The following SDK1 variants were observed in gnomAD, a reference collection of about 807,000 sequenced individuals.
SDK1 encodes sidekick cell adhesion molecule 1.
A neutral mutation model predicts 245.5 loss-of-function variants in SDK1; 157 were observed. That is an observed-to-expected ratio of 0.64 (90% CI 0.56 to 0.73). The LOEUF (loss-of-function observed/expected upper bound fraction) is 0.73, where lower values mean the gene tolerates loss of function less well. Ranked by LOEUF, SDK1 falls within the 30% of genes least tolerant of loss-of-function variation. The pLI is 0.00. For synonymous variants in SDK1, 1,647 were observed against 1,278.5 expected, an observed-to-expected ratio of 1.29 and a Z score of -6.15; for missense variants, 3,583 against 3,002.3, an observed-to-expected ratio of 1.19 and a Z score of -4.52.
At chr7:3,595,268 C>G (rs1407664993) in intron 1 of SDK1, among the ~76,000 whole-genome samples, 1 of 151,806 alleles carries the variant, frequency 6.6e-6, no homozygotes, top group Non-Finnish European at 1.5e-5. Context: ...TACTTCTACC[C>G]TATTCGTAAC....
intron 2 of SDK1, among the ~76,000 whole-genome samples, chr7:3,619,763 C>T (rs1452640697): frequency 6.6e-6 from 1 of 152,170 alleles, no homozygotes; most frequent in African/African-American, 2.4e-5. Flanking sequence ...GAAGTCCTGC[C>T]ATGTGCCCAG....
chr7:3,983,645 C>G (rs1187556048), intron 13 of SDK1, among the ~76,000 whole-genome samples: 2 of 152,198 alleles, frequency 1.3e-5, no homozygotes, highest in African/African-American at 2.4e-5. Context: ...TGGTCGGGAA[C>G]TGAACGTGCA....
In SDK1 at chr7:4,220,042, AACAG is replaced by A. The variant is rs1027452878; in HGVS notation, c.5540-62_5540-59del. On this transcript the variant is annotated intron_variant, in intron 38 of 44. Coordinates refer to ENST00000404826, the MANE Select transcript of SDK1 (RefSeq NM_152744.4). ...ACCACTTTCCTTGTTATCGCAACAG[AACAG>A]ACAGTGGACAGTTGCTTCTCCAGGC... 42 of 1,555,668 alleles carry A rather than the reference AACAG, an allele frequency of 2.7e-5. No homozygotes were observed. In the African/African-American group the frequency reaches 3.8e-4, roughly 14 times the overall value.
intron 4 of SDK1, among the ~76,000 whole-genome samples, chr7:3,714,566 T>G (rs372264925): frequency 1.8e-4 from 28 of 152,196 alleles, no homozygotes; most frequent in East Asian, 7.7e-4. Context: ...GTGGTGATAT[T>G]AGCATTACTA....
chr7:4,263,268 C>A (rs1583202002), intron 44 of SDK1, among the ~76,000 whole-genome samples: 2 of 145,982 alleles, frequency 1.4e-5, no homozygotes, highest in Admixed American at 1.4e-4. Flanking sequence ...TAGTCTCAGG[C>A]AAGCCAAAGA....
In SDK1 at chr7:4,042,189, C is replaced by T. The variant is rs1379566722; in HGVS notation, c.2603-7159C>T. On this transcript the variant is annotated intron_variant, in intron 17 of 44. Transcript: ENST00000404826. ...CTAACAGATATCCCTGTCTCTGGGT[C>T]CCTGTGTAACCTATCCGAGGCACAG... Among the ~76,000 whole-genome samples, 3 of 136,090 alleles carry T rather than the reference C, an allele frequency of 2.2e-5. 1 individual carries two copies. The highest frequency in any genetic ancestry group is 4.6e-5 in the Non-Finnish European group (3 of 65,858). The allele number at this position is 136,090 out of a possible 152,430, so 89.3% of individuals were successfully genotyped here.
rs552244869 is a variant in SDK1 at position 3,696,814 on chromosome 7, A to T, written c.713+54709A>T. 2.7e-3 allele frequency among the ~76,000 whole-genome samples: 414 copies of T among 152,242 alleles called. 3 individuals carry two copies. The highest frequency in any genetic ancestry group is 0.017 in the South Asian group (81 of 4,828). On this transcript the variant is annotated intron_variant, in intron 4 of 44. Coordinates refer to ENST00000404826, the MANE Select transcript of SDK1 (RefSeq NM_152744.4). ...TTAGGGACTAAAATGTAATTATAAC[A>T]AAGCAATTCACTCTAAGAACATTTG...
chr7:3,604,044 G>A (rs1781335948), intron 1 of SDK1, among the ~76,000 whole-genome samples: 1 of 152,176 alleles, frequency 6.6e-6, no homozygotes, highest in Non-Finnish European at 1.5e-5. Context: ...ACTTGATCAT[G>A]GTGGATAAGC....
chr7:3,570,458 G>T (rs2178625), intron 1 of SDK1, among the ~76,000 whole-genome samples: 5 of 151,868 alleles, frequency 3.3e-5, no homozygotes, highest in South Asian at 2.1e-4. Context: ...GGCTATGGAC[G>T]GGTACCCGTC....
chr7:4,213,076 C>T (rs1168744059), intron 38 of SDK1, among the ~76,000 whole-genome samples: 1 of 152,088 alleles, frequency 6.6e-6, no homozygotes, highest in Admixed American at 6.5e-5. Context: ...GTCAAGAGAT[C>T]GAGACCATCC....
intron 4 of SDK1, among the ~76,000 whole-genome samples, chr7:3,765,638 A>T (rs1780232481): frequency 6.6e-6 from 1 of 152,198 alleles, no homozygotes. Flanking sequence ...TCATTATACG[A>T]AGGTGGAAGT....
chr7:4,012,067 C>G (rs2128149541), intron 15 of SDK1, 28 bp from the exon 16 acceptor site: 1 of 1,464,384 alleles, frequency 6.8e-7, no homozygotes, highest in African/African-American at 1.5e-5. Flanking sequence ...ACTCATCTCT[C>G]TTGTTCCTAC....
At chr7:3,357,896 A>G (rs901210161) in intron 1 of SDK1, among the ~76,000 whole-genome samples, 4 of 152,232 alleles carry the variant, frequency 2.6e-5, no homozygotes, top group African/African-American at 4.8e-5. Flanking sequence ...ATGTACTTCT[A>G]AATTACATTT....
At chr7:3,517,282 T>C (rs1159864594) in intron 1 of SDK1, among the ~76,000 whole-genome samples, 1 of 152,170 alleles carries the variant, frequency 6.6e-6, no homozygotes, top group African/African-American at 2.4e-5. Context: ...TTATTATTCA[T>C]TTTGTAGAGC....
intron 4 of SDK1, among the ~76,000 whole-genome samples, chr7:3,672,596 A>T (rs11976733): frequency 2.0e-4 from 29 of 141,754 alleles, no homozygotes; most frequent in Non-Finnish European, 3.5e-4. Context: ...TATATATATA[A>T]TATATATATT....
At chr7:3,355,372 A>G (rs374150957) in intron 1 of SDK1, among the ~76,000 whole-genome samples, 1 of 152,246 alleles carries the variant, frequency 6.6e-6, no homozygotes, top group Non-Finnish European at 1.5e-5. Flanking sequence ...GTGGAGTGCA[A>G]TGGTGCGATC....
chr7:3,944,524 TTGA>T (rs1157742117), intron 5 of SDK1, among the ~76,000 whole-genome samples: 5 of 152,244 alleles, frequency 3.3e-5, no homozygotes, highest in Non-Finnish European at 7.3e-5. Context: ...CATTGAGTAT[TTGA>T]TGAGTGTTTA....
chr7:3,574,270 C>A (rs150758297), intron 1 of SDK1, among the ~76,000 whole-genome samples: 1 of 151,898 alleles, frequency 6.6e-6, no homozygotes, highest in African/African-American at 2.4e-5. Flanking sequence ...GCGCCTGCCA[C>A]CATGCCCAGC....
In SDK1 at chr7:3,404,232, A is replaced by G. The variant is rs150147129; in HGVS notation, c.298+102348A>G. Among the ~76,000 whole-genome samples the G allele has an allele frequency of 5.0e-3, 760 of 152,218 alleles. 10 individuals carry two copies. The highest frequency in any genetic ancestry group is 0.017 in the African/African-American group (706 of 41,536). On this transcript the variant is annotated intron_variant, in intron 1 of 44. Transcript: ENST00000404826. ...TAAAGCCCTCAATTTGAAAAACATA[A>G]TATCTGTGAAGCACAAGAAAGCTAA...
Sources: allele counts gnomAD v4.1 joint callset (sites outside exome capture counted in the v4.1 genomes callset), GRCh38; gene constraint gnomAD v4.1.1; transcripts MANE v1.5; gene names NCBI Gene and HGNC (gene_info 2026-07-23, HGNC 2026-07-21).